The following CCDC60 variants were observed in gnomAD, a reference collection of about 807,000 sequenced individuals.
The protein encoded by CCDC60 is coiled-coil domain containing 60.
In CCDC60, 54 loss-of-function variants were observed where a neutral mutation model predicts 63.5. The observed-to-expected ratio is 0.85, with a 90% CI of 0.68 to 1.07. The LOEUF (loss-of-function observed/expected upper bound fraction) is 1.07, where lower values mean the gene tolerates loss of function less well. CCDC60 is among the 50% of genes least tolerant of loss of function. The pLI, the probability that CCDC60 is intolerant of heterozygous loss-of-function variation, is 0.00. For missense variants in CCDC60, 651 were observed against 684.3 expected (o/e 0.95, Z 0.54); for synonymous variants, 206 against 238.8 (o/e 0.86, Z 1.27).
intron 5 of CCDC60, among the ~76,000 whole-genome samples, chr12:119,489,337 G>A (rs956354498): frequency 6.6e-6 from 1 of 151,870 alleles, no homozygotes; most frequent in African/African-American, 2.4e-5. Context: ...TCAAGGTTGT[G>A]TTTTGTTTTG....
chr12:119,508,842 T>G (rs897853120), intron 7 of CCDC60, among the ~76,000 whole-genome samples: 1 of 152,172 alleles, frequency 6.6e-6, no homozygotes, highest in Non-Finnish European at 1.5e-5. Context: ...TTCATTTTTT[T>G]TTTCAACTCT....
At chr12:119,450,370 C>T (rs1293827250) in intron 2 of CCDC60, among the ~76,000 whole-genome samples, 1 of 151,990 alleles carries the variant, frequency 6.6e-6, no homozygotes, top group East Asian at 1.9e-4. Flanking sequence ...ATGCAATACA[C>T]CCATGTAACA....
rs199831883 is a variant in CCDC60 at position 119,419,206 on chromosome 12, G to A, written c.91-9477G>A. 5.3e-5 allele frequency among the ~76,000 whole-genome samples: 8 copies of A among 152,318 alleles called. No individual in the cohort carries two copies. In the East Asian group the frequency reaches 9.6e-4, roughly 18 times the overall value. On this transcript the variant is annotated intron_variant, in intron 1 of 13. Transcript: ENST00000327554. Reference sequence around the variant, plus strand: ...CCTTTTCTCTTTCATGGGCTTACCCGCAATGAGCATTTTGTAGTCCTTTCT... The same window carrying A: ...CCTTTTCTCTTTCATGGGCTTACCCACAATGAGCATTTTGTAGTCCTTTCT...
chr12:119,442,544 C>A (rs1249361009), intron 2 of CCDC60, among the ~76,000 whole-genome samples: 2 of 152,182 alleles, frequency 1.3e-5, no homozygotes, highest in African/African-American at 4.8e-5. Flanking sequence ...ATTATCCTCT[C>A]TCTCATTATT....
intron 2 of CCDC60, among the ~76,000 whole-genome samples, chr12:119,431,924 C>G (rs1426899851): frequency 6.6e-6 from 1 of 152,110 alleles, no homozygotes; most frequent in Non-Finnish European, 1.5e-5. Context: ...GGTGATCTGC[C>G]CGCCTCGGCC....
At chr12:119,462,001 A>C (rs942589303) in intron 2 of CCDC60, among the ~76,000 whole-genome samples, 9 of 152,218 alleles carry the variant, frequency 5.9e-5, no homozygotes, top group African/African-American at 2.2e-4. Flanking sequence ...TGTGTCTGAC[A>C]TGAAGGCCCA....
chr12:119,514,278 G>A (rs916455101), intron 7 of CCDC60, among the ~76,000 whole-genome samples: 2 of 151,866 alleles, frequency 1.3e-5, no homozygotes, highest in African/African-American at 4.8e-5. Flanking sequence ...CCAGGTTTAG[G>A]TGATTTTCCT....
At chr12:119,411,840 T>C (rs1398103425) in intron 1 of CCDC60, among the ~76,000 whole-genome samples, 1 of 152,022 alleles carries the variant, frequency 6.6e-6, no homozygotes, top group African/African-American at 2.4e-5. Flanking sequence ...GATACACCCT[T>C]TCCCCCAAGT....
chr12:119,503,259 G>T (rs1385785205), intron 6 of CCDC60, among the ~76,000 whole-genome samples: 3 of 152,194 alleles, frequency 2.0e-5, no homozygotes, highest in Non-Finnish European at 2.9e-5. Context: ...TAGATAAAAT[G>T]GAAAGAGGCA....
At chr12:119,451,743 G>A (rs1950639727) in intron 2 of CCDC60, among the ~76,000 whole-genome samples, 1 of 152,138 alleles carries the variant, frequency 6.6e-6, no homozygotes, top group African/African-American at 2.4e-5. Flanking sequence ...ATATCAGGAA[G>A]GAAGGAATTA....
chr12:119,374,639 T>C (rs1158849433), intron 1 of CCDC60, among the ~76,000 whole-genome samples: 4 of 152,026 alleles, frequency 2.6e-5, no homozygotes, highest in African/African-American at 7.2e-5. Flanking sequence ...CCAAGTTTAT[T>C]AGAGAAGTAA....
intron 1 of CCDC60, among the ~76,000 whole-genome samples, chr12:119,396,709 G>A (rs1420611516): frequency 6.6e-6 from 1 of 152,170 alleles, no homozygotes; most frequent in African/African-American, 2.4e-5. Flanking sequence ...GCAAGACCCA[G>A]TCTCTACAAA....
intron 1 of CCDC60, among the ~76,000 whole-genome samples, chr12:119,424,653 T>G (rs1327653492): frequency 2.0e-5 from 3 of 152,184 alleles, no homozygotes; most frequent in African/African-American, 4.8e-5. Context: ...CTTATTTAAC[T>G]TATTAACTTT....
In CCDC60 at chr12:119,334,800, C is replaced by T. The variant is rs899748268; in HGVS notation, c.-377C>T. The T allele has an allele frequency of 6.4e-6, 1 of 155,490 alleles. No homozygotes were observed. Among genetic ancestry groups the T allele is most frequent in the African/African-American group, 2.4e-5 (1 of 41,608 alleles). The allele number at this position is 155,490 out of a possible 1,614,324, so 9.6% of individuals were successfully genotyped here. ...TCTCGGAGGATGGCGATCTGGGAGCCCCTCCATGGGACCCCTCTCACACTT... is the reference window on the plus strand; with the variant it reads ...TCTCGGAGGATGGCGATCTGGGAGCTCCTCCATGGGACCCCTCTCACACTT... On this transcript the variant is annotated 5_prime_UTR_variant, in exon 1 of 14. Transcript: ENST00000327554.
intron 7 of CCDC60, among the ~76,000 whole-genome samples, chr12:119,509,570 T>C (rs1727094671): frequency 1.3e-5 from 2 of 152,154 alleles, no homozygotes; most frequent in Non-Finnish European, 1.5e-5. Flanking sequence ...TCACTCCCTA[T>C]TGCCCCACTA....
intron 1 of CCDC60, among the ~76,000 whole-genome samples, chr12:119,411,690 A>C (rs1203912361): frequency 6.6e-6 from 1 of 152,040 alleles, no homozygotes; most frequent in South Asian, 2.1e-4. Context: ...TCCAGTTTCT[A>C]TGACCTTCTC....
At chr12:119,422,846 T>A (rs1956838130) in intron 1 of CCDC60, among the ~76,000 whole-genome samples, 1 of 152,186 alleles carries the variant, frequency 6.6e-6, no homozygotes, top group Non-Finnish European at 1.5e-5. Context: ...ATTACGGTTT[T>A]TGCCATTTTA....
intron 1 of CCDC60, among the ~76,000 whole-genome samples, chr12:119,422,743 C>T (rs1445129839): frequency 6.6e-6 from 1 of 152,160 alleles, no homozygotes; most frequent in African/African-American, 2.4e-5. Context: ...AGATCCAAAC[C>T]GTATCAGATG....
chr12:119,351,916 G>A (rs1308034560), intron 1 of CCDC60, among the ~76,000 whole-genome samples: 1 of 152,066 alleles, frequency 6.6e-6, no homozygotes. Context: ...CACATTTTCA[G>A]GTATCTTTAT....
Sources: gnomAD v4.1 joint callset for allele counts (sites outside exome capture counted in the v4.1 genomes callset) on GRCh38, gnomAD v4.1.1 for gene constraint, MANE v1.5 for transcripts, NCBI Gene and HGNC (gene_info 2026-07-23, HGNC 2026-07-21) for gene names.